GRM1: variants seen among roughly 807,000 people sequenced by gnomAD.
GRM1 encodes the protein glutamate metabotropic receptor 1.
GRM1 carries 33 observed loss-of-function variants against 90.9 expected under a neutral mutation model. The observed-to-expected ratio is 0.36, with a 90% CI of 0.28 to 0.49. The LOEUF (loss-of-function observed/expected upper bound fraction) is 0.49. GRM1 is among the 20% of genes least tolerant of loss of function. GRM1 has a pLI of 0.99. For missense variants in GRM1, 1,190 were observed against 1,534.3 expected, an observed-to-expected ratio of 0.78 and a Z score of 3.75; for synonymous variants, 700 against 613.2, an observed-to-expected ratio of 1.14 and a Z score of -2.09.
At chr6:146,333,571 C>T (rs1468742550) in intron 3 of GRM1, among the ~76,000 whole-genome samples, 1 of 152,126 alleles carries the variant, frequency 6.6e-6, no homozygotes, top group East Asian at 1.9e-4. Context: ...ATATCTTACT[C>T]TAATTATCAG....
At chr6:146,229,740 C>T (rs1407458477) in intron 2 of GRM1, among the ~76,000 whole-genome samples, 1 of 152,020 alleles carries the variant, frequency 6.6e-6, no homozygotes, top group Non-Finnish European at 1.5e-5. Context: ...AGGGATAACA[C>T]CCAAACAAAA....
At chr6:146,429,834 G>A (rs1331364955) in intron 7 of GRM1, among the ~76,000 whole-genome samples, 1 of 152,144 alleles carries the variant, frequency 6.6e-6, no homozygotes, top group Non-Finnish European at 1.5e-5. Context: ...TCCCAGGAGT[G>A]AGCCTCTCTT....
chr6:146,237,236 T>A (rs1780680652), intron 2 of GRM1, among the ~76,000 whole-genome samples: 1 of 152,140 alleles, frequency 6.6e-6, no homozygotes, highest in African/African-American at 2.4e-5. Flanking sequence ...CAGCTTTCTG[T>A]ATAGCAGGAG....
At chr6:146,222,475 T>C (rs1347289390) in intron 2 of GRM1, among the ~76,000 whole-genome samples, 1 of 151,976 alleles carries the variant, frequency 6.6e-6, no homozygotes, top group African/African-American at 2.4e-5. Context: ...GGAGAGCCAG[T>C]GTTATAAATT....
chr6:146,238,473 G>A (rs144684646), intron 2 of GRM1, among the ~76,000 whole-genome samples: 278 of 152,214 alleles, frequency 1.8e-3, no homozygotes, highest in African/African-American at 6.0e-3. Context: ...GAAAGAGGTG[G>A]ACATGTGATA....
chr6:146,415,304 T>TCCCAAGTGCC (rs1401045766), intron 7 of GRM1, among the ~76,000 whole-genome samples: 6 of 152,168 alleles, frequency 3.9e-5, no homozygotes, highest in African/African-American at 1.4e-4. Flanking sequence ...CCTAATTGCC[T>TCCCAAGTGCC]CCCAAGTGCC....
chr6:146,171,668 G>A, intron 2 of GRM1: 1 of 284,574 alleles, frequency 3.5e-6, no homozygotes, highest in Non-Finnish European at 7.4e-6. Context: ...CATCAAAGAT[G>A]ACTGGCAACA....
At chr6:146,386,459 G>T (rs1028052411) in intron 5 of GRM1, among the ~76,000 whole-genome samples, 1 of 152,064 alleles carries the variant, frequency 6.6e-6, no homozygotes, top group Non-Finnish European at 1.5e-5. Context: ...AACAAAAATT[G>T]TATAATTACT....
intron 2 of GRM1, among the ~76,000 whole-genome samples, chr6:146,290,022 T>C (rs933046927): frequency 2.0e-5 from 3 of 152,156 alleles, no homozygotes; most frequent in Non-Finnish European, 4.4e-5. Context: ...GCAAAAATAA[T>C]GGATTTGGGA....
At chr6:146,226,743 C>T (rs559996762) in intron 2 of GRM1, among the ~76,000 whole-genome samples, 1 of 152,098 alleles carries the variant, frequency 6.6e-6, no homozygotes, top group Non-Finnish European at 1.5e-5. Flanking sequence ...CTTCTACAGT[C>T]ATTGTTAAAA....
chr6:146,314,051 CTTTTTTTTTT>C (rs552986343), intron 3 of GRM1, among the ~76,000 whole-genome samples: 4 of 61,992 alleles, frequency 6.5e-5, no homozygotes, highest in African/African-American at 1.6e-4. Flanking sequence ...TAGTTAATTC[CTTTTTTTTTT>C]TTTTTTTTTT....
intron 3 of GRM1, among the ~76,000 whole-genome samples, chr6:146,328,171 A>G (rs1306637436): frequency 1.3e-5 from 2 of 152,192 alleles, no homozygotes. Flanking sequence ...ACCAGATGGG[A>G]TTTTCTGTAA....
chr6:146,115,221 T>TACACACACACAC (rs67497002), intron 1 of GRM1, among the ~76,000 whole-genome samples: 4 of 148,574 alleles, frequency 2.7e-5, no homozygotes, highest in African/African-American at 9.9e-5. Flanking sequence ...ATTAAATGCA[T>TACACACACACAC]ACACACACAC....
At chr6:146,400,450 G>A (rs1451856680) in intron 7 of GRM1, among the ~76,000 whole-genome samples, 1 of 152,020 alleles carries the variant, frequency 6.6e-6, no homozygotes, top group Non-Finnish European at 1.5e-5. Flanking sequence ...CCCCAATCTT[G>A]AGACTTTGTG....
intron 1 of GRM1, among the ~76,000 whole-genome samples, chr6:146,096,099 A>T (rs1224538380): frequency 3.3e-5 from 5 of 152,100 alleles, no homozygotes; most frequent in Admixed American, 6.6e-5. Flanking sequence ...AACTATCCAG[A>T]TTCTTCCTGT....
intron 2 of GRM1, among the ~76,000 whole-genome samples, chr6:146,293,176 A>T (rs1344119632): frequency 6.6e-6 from 1 of 152,020 alleles, no homozygotes; most frequent in East Asian, 1.9e-4. Flanking sequence ...GGTAATGAAA[A>T]TATTTTAGAA....
intron 1 of GRM1, among the ~76,000 whole-genome samples, chr6:146,037,961 C>T (rs572055451): frequency 2.6e-5 from 4 of 152,104 alleles, no homozygotes; most frequent in Non-Finnish European, 5.9e-5. Context: ...CCTTCTGCAT[C>T]TGAGCAACTC....
At chr6:146,161,591 A>G (rs1001681949) in intron 2 of GRM1, among the ~76,000 whole-genome samples, 4 of 152,064 alleles carry the variant, frequency 2.6e-5, no homozygotes, top group South Asian at 2.1e-4. Flanking sequence ...CGAGGGAGCT[A>G]TTGTCTCAAT....
Position 146,434,393 on chromosome 6 carries a change from G to A in GRM1, c.3182G>A (p.Gly1061Glu). 6.2e-7 allele frequency: 1 copy of A among 1,613,402 alleles called. No homozygotes were observed. Among genetic ancestry groups the A allele is most frequent in the Non-Finnish European group, 8.5e-7 (1 of 1,179,724 alleles). Residue 1061 changes from glycine (G) to glutamate (E), a missense_variant, in exon 8 of 8, where the codon GGG (glycine) becomes GAG (glutamate). Transcript: ENST00000282753. ...GCAGGCCCCGGTGGTCCCGGGAACG[G>A]GCTGCGGTCCCTGTACCCGCCCCCG... Reference protein sequence around the residue: ...VLAGPGGPGNGLRSLYPPPPP... With the variant: ...VLAGPGGPGNELRSLYPPPPP...
Sources: allele counts gnomAD v4.1 joint callset (sites outside exome capture counted in the v4.1 genomes callset), GRCh38; gene constraint gnomAD v4.1.1; transcripts MANE v1.5; gene names NCBI Gene and HGNC (gene_info 2026-07-23, HGNC 2026-07-21).